PGBD5: variants seen among roughly 807,000 people sequenced by gnomAD.
The protein encoded by PGBD5 is piggyBac transposable element derived 5.
PGBD5 carries 14 observed loss-of-function variants against 47.9 expected under a neutral mutation model. That is an observed-to-expected ratio of 0.29 (90% CI 0.19 to 0.46). PGBD5 has a LOEUF of 0.46. PGBD5 is among the 20% of genes least tolerant of loss of function. PGBD5 has a pLI of 1.00. For missense variants in PGBD5, 635 were observed against 716.0 expected, an observed-to-expected ratio of 0.89 and a Z score of 1.29; for synonymous variants, 316 against 306.3, an observed-to-expected ratio of 1.03 and a Z score of -0.33.
At chr1:230,393,229 G>A (rs1294548324) in intron 1 of PGBD5, among the ~76,000 whole-genome samples, 2 of 146,852 alleles carry the variant, frequency 1.4e-5, no homozygotes, top group Non-Finnish European at 3.0e-5. Context: ...AAGGAGGAGA[G>A]GAGGAGGAAG....
chr1:230,358,415 C>A (rs1365966404), intron 1 of PGBD5, among the ~76,000 whole-genome samples: 1 of 152,066 alleles, frequency 6.6e-6, no homozygotes, highest in Non-Finnish European at 1.5e-5. Flanking sequence ...TCACTTGGGG[C>A]CTGAAAAATT....
chr1:230,367,147 G>A (rs1667848571), intron 1 of PGBD5, among the ~76,000 whole-genome samples: 1 of 151,956 alleles, frequency 6.6e-6, no homozygotes. Context: ...TACACCCTCT[G>A]TAGCTCTTCA....
chr1:230,372,864 T>G (rs994665820), intron 1 of PGBD5, among the ~76,000 whole-genome samples: 45 of 152,286 alleles, frequency 3.0e-4, no homozygotes, highest in African/African-American at 1.1e-3. Flanking sequence ...GGTGGCTTTC[T>G]TCCTCCCACC....
chr1:230,367,785 G>A (rs545591391), intron 1 of PGBD5, among the ~76,000 whole-genome samples: 9 of 152,278 alleles, frequency 5.9e-5, no homozygotes, highest in African/African-American at 9.6e-5. Context: ...AAAACACTCC[G>A]GCATACTCCG....
chr1:230,384,523 C>T (rs964982188), intron 1 of PGBD5, among the ~76,000 whole-genome samples: 1 of 152,170 alleles, frequency 6.6e-6, no homozygotes, highest in African/African-American at 2.4e-5. Context: ...GAGCACCCAC[C>T]GAGCACTGGG....
intron 3 of PGBD5, among the ~76,000 whole-genome samples, chr1:230,341,734 A>G (rs1000084872): frequency 3.9e-5 from 6 of 152,208 alleles, no homozygotes; most frequent in African/African-American, 1.2e-4. Flanking sequence ...CAACGTGTGT[A>G]GACATAGGTG....
chr1:230,357,408 G>T lies in PGBD5; in HGVS notation c.332-87C>A. On this transcript the variant is annotated intron_variant, in intron 1 of 6. Transcript: ENST00000391860. This position sits in a 1 kb window ranked among gnomAD's most constrained non-coding sequence, Gnocchi z 5.7. The stretch of plus-strand genomic sequence containing the variant: ...AGAACGGCTGCATTTCCAATCCCTG[G>T]GTCCCTGGCCGAGTGCCCCCGCTGC... The T allele has an allele frequency of 6.9e-7, 1 of 1,448,626 alleles. No individual in the cohort carries two copies. The highest frequency in any genetic ancestry group is 9.4e-7 in the Non-Finnish European group (1 of 1,066,650). The allele number at this position is 1,448,626 out of a possible 1,614,324, so 89.7% of individuals were successfully genotyped here.
chr1:230,396,986 A>G (rs949132296), intron 1 of PGBD5, among the ~76,000 whole-genome samples: 30 of 152,162 alleles, frequency 2.0e-4, no homozygotes, highest in African/African-American at 7.0e-4. Flanking sequence ...GTTTGGAGTC[A>G]CGCCTTGGGG....
At chr1:230,377,707 G>A in intron 1 of PGBD5, 1 of 1,440,310 alleles carries the variant, frequency 6.9e-7, no homozygotes, top group Admixed American at 3.0e-5. Context: ...GCAAAGATTA[G>A]AGTATCCACC....
intron 1 of PGBD5, among the ~76,000 whole-genome samples, chr1:230,411,015 A>G (rs1380293126): frequency 6.6e-6 from 1 of 151,986 alleles, no homozygotes. Context: ...GGCTCACACT[A>G]TCTGTAATCC....
chr1:230,412,932 AT>A (rs1474832848), intron 1 of PGBD5, among the ~76,000 whole-genome samples: 2 of 152,170 alleles, frequency 1.3e-5, no homozygotes, highest in Non-Finnish European at 2.9e-5. Context: ...TTGTTTTTAA[AT>A]CCACAACCAC....
intron 3 of PGBD5, among the ~76,000 whole-genome samples, chr1:230,345,489 T>G (rs986731097): frequency 1.3e-5 from 2 of 152,234 alleles, no homozygotes; most frequent in African/African-American, 4.8e-5. Flanking sequence ...TCACAAGCCC[T>G]CTGCAAACAG....
At chr1:230,398,745 C>G (rs541647204) in intron 1 of PGBD5, among the ~76,000 whole-genome samples, 12 of 152,336 alleles carry the variant, frequency 7.9e-5, no homozygotes, top group African/African-American at 2.9e-4. Context: ...CCACAGCTCC[C>G]AGAACTGGGT....
intron 1 of PGBD5, among the ~76,000 whole-genome samples, chr1:230,366,257 T>C (rs1199912079): frequency 5.3e-5 from 8 of 152,272 alleles, no homozygotes; most frequent in Admixed American, 1.3e-4. Context: ...ACCCAAACCA[T>C]AGATTTCACT....
chr1:230,409,075 G>T (rs775506244), intron 1 of PGBD5, among the ~76,000 whole-genome samples: 20 of 152,190 alleles, frequency 1.3e-4, no homozygotes, highest in Non-Finnish European at 2.4e-4. Context: ...CTCCAAATGG[G>T]ATATGCAAAT....
chr1:230,384,413 G>C (rs1656587153), intron 1 of PGBD5, among the ~76,000 whole-genome samples: 1 of 151,952 alleles, frequency 6.6e-6, no homozygotes, highest in Non-Finnish European at 1.5e-5. Flanking sequence ...GGGACTCTGG[G>C]GAGAGACCAA....
intron 4 of PGBD5, among the ~76,000 whole-genome samples, chr1:230,336,745 G>T (rs1210760273): frequency 1.3e-5 from 2 of 152,154 alleles, no homozygotes; most frequent in Non-Finnish European, 2.9e-5. Context: ...TATAGATGAT[G>T]GGTGAGTTCC....
chr1:230,419,780 A>G (rs1420159195), intron 1 of PGBD5, among the ~76,000 whole-genome samples: 2 of 152,132 alleles, frequency 1.3e-5, no homozygotes, highest in Non-Finnish European at 2.9e-5. Flanking sequence ...TCCTTACCTC[A>G]ATATTGCTTT....
chr1:230,372,826 C>A (rs1012754771), intron 1 of PGBD5, among the ~76,000 whole-genome samples: 22 of 152,172 alleles, frequency 1.4e-4, no homozygotes, highest in Admixed American at 2.0e-4. Flanking sequence ...AACTGAGGTG[C>A]TGGGCAATGA....
Sources: allele counts gnomAD v4.1 joint callset (sites outside exome capture counted in the v4.1 genomes callset), GRCh38; gene constraint gnomAD v4.1.1; non-coding constraint Gnocchi (gnomAD v3.1); transcripts MANE v1.5; gene names NCBI Gene and HGNC (gene_info 2026-07-23, HGNC 2026-07-21).